The following AFAP1L2 variants were observed in gnomAD, a reference collection of about 807,000 sequenced individuals.
AFAP1L2 encodes actin filament associated protein 1 like 2, also known as actin filament-associated protein 1-like 2.
A neutral mutation model predicts 99.3 loss-of-function variants in AFAP1L2; 46 were observed. That is an observed-to-expected ratio of 0.46 (90% confidence interval 0.37 to 0.59). The LOEUF is 0.59. Ranked by LOEUF, AFAP1L2 falls within the 20% of genes least tolerant of loss-of-function variation. The pLI is 0.00. For missense variants in AFAP1L2, 959 were observed against 1,034.9 expected (o/e 0.93, Z 1.01); for synonymous variants, 397 against 419.1 (o/e 0.95, Z 0.64).
At chr10:114,306,031 G>A (rs1017310535) in intron 10 of AFAP1L2, among the ~76,000 whole-genome samples, 1 of 116,314 alleles carries the variant, frequency 8.6e-6, no homozygotes, top group East Asian at 3.1e-4. Flanking sequence ...GCAGATGCAG[G>A]AGGGGACACA....
intron 4 of AFAP1L2, among the ~76,000 whole-genome samples, chr10:114,325,682 T>C (rs1368071330): frequency 1.3e-5 from 2 of 152,124 alleles, no homozygotes; most frequent in African/African-American, 4.8e-5. Flanking sequence ...TAGCAGACAA[T>C]GAGCGTGCCA....
intron 1 of AFAP1L2, among the ~76,000 whole-genome samples, chr10:114,355,256 CT>C (rs35562783): frequency 0.59 from 77,721 of 132,716 alleles, 22,311 homozygotes; most frequent in South Asian, 0.68. Context: ...CTCGCTCTCT[CT>C]TTTTTTTTTT....
chr10:114,289,369 G>C, the AFAP1L2 span: 1 of 1,614,232 alleles, frequency 6.2e-7, no homozygotes, highest in Non-Finnish European at 8.5e-7. Flanking sequence ...CGTGGGCGTG[G>C]GGCCTGTCCT....
Position 114,315,737 on chromosome 10 carries a change from G to A in AFAP1L2, c.435C>T (p.Tyr145=), listed in dbSNP as rs751640593. 6.3e-5 allele frequency: 102 copies of A among 1,612,864 alleles called. No individual in the cohort carries two copies. Among genetic ancestry groups the A allele is most frequent in the Non-Finnish European group, 8.0e-5 (94 of 1,179,832 alleles). The change falls in exon 6 of 19, where the codon TAC becomes TAT. Residue 145 remains tyrosine (Y), a synonymous_variant. Transcript: ENST00000304129. The part of the protein sequence containing the change: ...NEDGEAVSSS[Y]ESYDEEDGSK... ...TGCCGTCCTCTTCATCGTAGGACTC[G>A]TAGGAGCTGCTCACAGCCTCTCCGT... is the stretch of plus-strand genomic sequence containing the variant.
intron 1 of AFAP1L2, among the ~76,000 whole-genome samples, chr10:114,372,962 TA>T (rs1189730224): frequency 6.6e-6 from 1 of 152,254 alleles, no homozygotes; most frequent in East Asian, 1.9e-4. Flanking sequence ...CCATTCCTTT[TA>T]CCAGCTACGT....
the AFAP1L2 span, chr10:114,289,299 C>G: frequency 6.2e-7 from 1 of 1,613,946 alleles, no homozygotes; most frequent in Non-Finnish European, 8.5e-7. Flanking sequence ...GCGGGAGAGG[C>G]GCAGAGGATG....
intron 4 of AFAP1L2, among the ~76,000 whole-genome samples, chr10:114,330,073 CTGAGA>C (rs993774029): frequency 3.9e-5 from 6 of 152,154 alleles, no homozygotes; most frequent in African/African-American, 1.2e-4. Flanking sequence ...CTCACTCAGC[CTGAGA>C]TGAGGAGTCT....
rs140227280 is a variant in AFAP1L2 at position 114,391,249 on chromosome 10, T to C, written c.16+13191A>G. ...TTTTTCTTTTTTTTTAGACAGAGTC[T>C]CTTTCTGTCACCCAGGCTGGAGTGC... On this transcript the variant is annotated intron_variant, in intron 1 of 18. Coordinates refer to ENST00000304129, the MANE Select transcript of AFAP1L2 (RefSeq NM_001001936.3). Among the ~76,000 whole-genome samples, 14 of 152,188 alleles carry C rather than the reference T, an allele frequency of 9.2e-5. No individual in the cohort carries two copies. In the East Asian group the frequency reaches 2.7e-3, roughly 29 times the overall value.
intron 1 of AFAP1L2, 164 bp from the exon 2 acceptor site, chr10:114,340,895 G>T: frequency 1.1e-6 from 1 of 925,238 alleles, no homozygotes; most frequent in Non-Finnish European, 1.7e-6. Flanking sequence ...GGCAGAAGAT[G>T]GGATTCTCAG....
intron 10 of AFAP1L2, among the ~76,000 whole-genome samples, chr10:114,306,374 A>AGGGGACGCGGGGGGAGGAGGGGACGCGG (rs1164260630): frequency 6.8e-6 from 1 of 147,824 alleles, no homozygotes; most frequent in Non-Finnish European, 1.5e-5. Flanking sequence ...CGGGGGCAGG[A>AGGGGACGCGGGGGGAGGAGGGGACGCGG]GGGCATGGGT....
At chr10:114,346,158 G>A (rs1432192077) in intron 1 of AFAP1L2, among the ~76,000 whole-genome samples, 2 of 152,172 alleles carry the variant, frequency 1.3e-5, no homozygotes, top group Non-Finnish European at 2.9e-5. Context: ...GGATGAGAGA[G>A]AGTCAAAAGG....
chr10:114,324,673 G>A (rs750204266), intron 4 of AFAP1L2, among the ~76,000 whole-genome samples: 6 of 152,210 alleles, frequency 3.9e-5, no homozygotes, highest in East Asian at 1.9e-4. Context: ...TGCGCCCTCC[G>A]CGTGAGAGGG....
intron 1 of AFAP1L2, among the ~76,000 whole-genome samples, chr10:114,373,602 G>A (rs1407334424): frequency 6.6e-6 from 1 of 152,050 alleles, no homozygotes; most frequent in Non-Finnish European, 1.5e-5. Context: ...TCCAGCCTGG[G>A]TGACAGAGAC....
At chr10:114,336,610 C>G (rs2048011353) in intron 2 of AFAP1L2, among the ~76,000 whole-genome samples, 1 of 151,636 alleles carries the variant, frequency 6.6e-6, no homozygotes, top group Non-Finnish European at 1.5e-5. Flanking sequence ...GGAACATGAA[C>G]CTCTTTGCTA....
At chr10:114,372,750 T>A (rs1261965) in intron 1 of AFAP1L2, among the ~76,000 whole-genome samples, 2 of 152,088 alleles carry the variant, frequency 1.3e-5, no homozygotes, top group East Asian at 1.9e-4. Flanking sequence ...ACCCTCCCAG[T>A]GTCAGCCCCT....
At chr10:114,344,335 A>G (rs1348387472) in intron 1 of AFAP1L2, among the ~76,000 whole-genome samples, 6 of 152,202 alleles carry the variant, frequency 3.9e-5, no homozygotes, top group Non-Finnish European at 8.8e-5. Flanking sequence ...ACTCAACTTC[A>G]GGGGACAAGG....
At chr10:114,308,377 G>C in intron 9 of AFAP1L2, 56 bp downstream of exon 9, 5 of 1,523,824 alleles carry the variant, frequency 3.3e-6, no homozygotes, top group Non-Finnish European at 4.5e-6. Flanking sequence ...GGTTGAGCCT[G>C]ACAGCCCAGC....
At chr10:114,395,054 T>A (rs1173606484) in intron 1 of AFAP1L2, among the ~76,000 whole-genome samples, 1 of 152,122 alleles carries the variant, frequency 6.6e-6, no homozygotes, top group Non-Finnish European at 1.5e-5. Context: ...GTGATCCAAC[T>A]CTGCCATGTC....
chr10:114,360,485 C>CTAGATAGATAGATAGATAGA (rs367617609), intron 1 of AFAP1L2, among the ~76,000 whole-genome samples: 2,991 of 124,330 alleles, frequency 0.024, 69 homozygotes, highest in East Asian at 0.041. Context: ...ATCTCAATAT[C>CTAGATAGATAGATAGATAGA]TAGATAGATA....
Sources: allele counts gnomAD v4.1 joint callset (sites outside exome capture counted in the v4.1 genomes callset), GRCh38; gene constraint gnomAD v4.1.1; transcripts MANE v1.5; gene names NCBI Gene and HGNC (gene_info 2026-07-23, HGNC 2026-07-21).